CASK: variants seen among roughly 807,000 people sequenced by gnomAD.
CASK encodes calcium/calmodulin dependent serine protein kinase.
In CASK, 4 loss-of-function variants were observed where a neutral mutation model predicts 82.9. That is an observed-to-expected ratio of 0.05 (90% CI 0.02 to 0.11). The LOEUF (loss-of-function observed/expected upper bound fraction) is 0.11. Among genes scored for constraint, CASK ranks in the 10% least tolerant of loss-of-function variants. The probability of loss-of-function intolerance (pLI) is 1.00; values close to 1 mark genes in which losing one functional copy is unlikely to be tolerated. For missense variants in CASK, 358 were observed against 720.9 expected, an observed-to-expected ratio of 0.50 and a Z score of 5.76; for synonymous variants, 259 against 253.5, an observed-to-expected ratio of 1.02 and a Z score of -0.20.
chrX:41,575,831 C>G (rs1373754451), intron 15 of CASK, among the ~76,000 whole-genome samples: 2 of 111,368 alleles, frequency 1.8e-5, no homozygotes, highest in African/African-American at 6.5e-5. Context: ...AAATATACAT[C>G]TTCACTAGGA....
intron 5 of CASK, among the ~76,000 whole-genome samples, chrX:41,701,845 C>T (rs1229146420): frequency 1.8e-5 from 2 of 112,286 alleles, no homozygotes; most frequent in Non-Finnish European, 3.8e-5. Context: ...GCATTATCAT[C>T]AGTTAATCTT....
At chrX:41,884,499 G>C (rs1314622575) in intron 1 of CASK, among the ~76,000 whole-genome samples, 1 of 111,985 alleles carries the variant, frequency 8.9e-6, no homozygotes, top group African/African-American at 3.2e-5. Flanking sequence ...TAGCTAAAGA[G>C]GTGTACTGTA....
chrX:41,713,404 T>A (rs73470596), intron 5 of CASK, among the ~76,000 whole-genome samples: 1,407 of 112,279 alleles, frequency 0.013, 17 homozygotes, highest in African/African-American at 0.044. Context: ...GGACTGGACC[T>A]GTTTACCCTG....
Position 41,578,502 on chromosome X carries a change from C to T in CASK, c.1341G>A (p.Val447=). The T allele has an allele frequency of 8.3e-7, 1 of 1,207,629 alleles. No homozygotes were observed. Among genetic ancestry groups the T allele is most frequent in the Non-Finnish European group, 1.1e-6 (1 of 891,924 alleles). ...CTTCATCACTGTAAACTTCATGTGC[C>T]ACTACGTCGTGAGTCTGAAGTAAGG... is the stretch of plus-strand genomic sequence containing the variant. ...FMALLQTHDV[V]AHEVYSDEAL... The change falls in exon 15 of 27, where the codon GTG becomes GTA. Residue 447 remains valine (V), a synonymous_variant. Coordinates refer to ENST00000378163, the MANE Select transcript of CASK (RefSeq NM_001367721.1).
chrX:41,593,516 C>T (rs1471811811), intron 12 of CASK, among the ~76,000 whole-genome samples: 1 of 111,693 alleles, frequency 9.0e-6, no homozygotes, highest in Non-Finnish European at 1.9e-5. Flanking sequence ...TTCCAAAAAT[C>T]TGTATAACCA....
chrX:41,576,546 C>T (rs896852378), intron 15 of CASK, among the ~76,000 whole-genome samples: 3 of 111,865 alleles, frequency 2.7e-5, no homozygotes, highest in Non-Finnish European at 5.6e-5. Context: ...CCCTGTGGAA[C>T]GTGAGCTCTA....
intron 4 of CASK, among the ~76,000 whole-genome samples, chrX:41,743,888 A>T (rs2068637693): frequency 9.0e-6 from 1 of 111,387 alleles, no homozygotes; most frequent in African/African-American, 3.3e-5. Context: ...CGTGCGGATC[A>T]CTTGAGGTCA....
intron 1 of CASK, among the ~76,000 whole-genome samples, chrX:41,885,342 A>G (rs1200323570): frequency 1.8e-5 from 2 of 109,250 alleles, no homozygotes; most frequent in African/African-American, 6.5e-5. Context: ...CTGAGATAAA[A>G]TTACAAACCT....
chrX:41,727,538 C>T (rs1379317171), intron 5 of CASK: 1 of 1,207,313 alleles, frequency 8.3e-7, no homozygotes. Flanking sequence ...ATTCCAGTTA[C>T]CGTATACTAC....
At chrX:41,744,168 C>T (rs2068644105) in intron 4 of CASK, among the ~76,000 whole-genome samples, 1 of 109,678 alleles carries the variant, frequency 9.1e-6, no homozygotes, top group South Asian at 4.0e-4. Flanking sequence ...AGTTTGAACC[C>T]TTCAACATAC....
intron 21 of CASK, among the ~76,000 whole-genome samples, chrX:41,547,009 C>A (rs2065031962): frequency 9.0e-6 from 1 of 111,396 alleles, no homozygotes. Context: ...CGGCTCACTG[C>A]AACCTCCGCC....
At position 41,739,684 on chromosome X, in the gene CASK, T is replaced by C. The variant is rs765403839; in HGVS notation, c.357-228A>G. On this transcript the variant is annotated intron_variant, in intron 4 of 26. Coordinates refer to ENST00000378163, the MANE Select transcript of CASK (RefSeq NM_001367721.1). The stretch of plus-strand genomic sequence containing the variant: ...AGTATGCTCTATATTTTCTAAGCTA[T>C]CTAAGTCAAAAGAATTACACATAGT... Among the ~76,000 whole-genome samples the C allele has an allele frequency of 6.2e-5, 7 of 112,421 alleles. No homozygotes were observed. In the South Asian group the frequency reaches 1.8e-3, roughly 29 times the overall value.
At chrX:41,617,905 A>T (rs115996928) in intron 11 of CASK, among the ~76,000 whole-genome samples, 10 of 112,448 alleles carry the variant, frequency 8.9e-5, no homozygotes, top group African/African-American at 3.2e-4. Flanking sequence ...TTTTCCTATA[A>T]AACCTCTGAA....
At position 41,812,008 on chromosome X, in the gene CASK, G is replaced by C. The variant is rs1314388024; in HGVS notation, c.173-24725C>G. On this transcript the variant is annotated intron_variant, in intron 2 of 26. Transcript: ENST00000378163. ...ATCTAGAAGAAATGGATAAATTCCT[G>C]GACACATACACCCTCCCAAGACTAA... Among the ~76,000 whole-genome samples, 27 of 110,691 alleles carry C rather than the reference G, an allele frequency of 2.4e-4. 1 individual carries two copies. The highest frequency in any genetic ancestry group is 7.6e-5 in the Non-Finnish European group (4 of 52,841).
At chrX:41,528,812 G>A (rs1490246146) in intron 25 of CASK, among the ~76,000 whole-genome samples, 1 of 112,155 alleles carries the variant, frequency 8.9e-6, no homozygotes, top group African/African-American at 3.2e-5. Flanking sequence ...TCATGGTCAC[G>A]GGTATCCTGA....
At chrX:41,598,598 G>A (rs1472893855) in intron 12 of CASK, among the ~76,000 whole-genome samples, 2 of 111,504 alleles carry the variant, frequency 1.8e-5, no homozygotes, top group Non-Finnish European at 3.8e-5. Flanking sequence ...CTGACCTCAG[G>A]TGATCCACCC....
At chrX:41,645,346 C>G (rs1230977520) in intron 8 of CASK, among the ~76,000 whole-genome samples, 1 of 111,442 alleles carries the variant, frequency 9.0e-6, no homozygotes, top group Non-Finnish European at 1.9e-5. Context: ...TTTCCTTAAA[C>G]GAAGGCAAGC....
At chrX:41,548,120 T>C (rs974806602) in intron 21 of CASK, among the ~76,000 whole-genome samples, 1 of 111,954 alleles carries the variant, frequency 8.9e-6, no homozygotes, top group African/African-American at 3.2e-5. Flanking sequence ...TATGAGACTT[T>C]TAATCTGATT....
chrX:41,849,479 A>G (rs2071219017), intron 2 of CASK, among the ~76,000 whole-genome samples: 2 of 111,983 alleles, frequency 1.8e-5, no homozygotes, highest in Non-Finnish European at 3.8e-5. Context: ...AAATTCATCC[A>G]GTTTTGATTT....
Sources: allele counts gnomAD v4.1 joint callset (sites outside exome capture counted in the v4.1 genomes callset), GRCh38; gene constraint gnomAD v4.1.1; transcripts MANE v1.5; gene names NCBI Gene and HGNC (gene_info 2026-07-23, HGNC 2026-07-21).